TMEM132D: variants seen among roughly 807,000 people sequenced by gnomAD.
TMEM132D encodes the protein mature OL transmembrane protein.
Under a neutral mutation model 62.3 loss-of-function variants are expected in TMEM132D, and 21 were observed. The ratio of observed to expected loss-of-function variants is 0.34; its 90% CI spans 0.24 to 0.49. TMEM132D has a LOEUF of 0.49. Among genes scored for constraint, TMEM132D ranks in the 20% least tolerant of loss-of-function variants. The probability of loss-of-function intolerance (pLI) is 0.99; values close to 1 mark genes in which losing one functional copy is unlikely to be tolerated. For missense variants in TMEM132D, 1,346 were observed against 1,402.8 expected (o/e 0.96, Z 0.65); for synonymous variants, 621 against 575.6 (o/e 1.08, Z -1.13).
intron 3 of TMEM132D, among the ~76,000 whole-genome samples, chr12:129,485,161 G>A (rs1294927987): frequency 1.3e-5 from 2 of 152,220 alleles, no homozygotes; most frequent in African/African-American, 4.8e-5. Flanking sequence ...ACATTACTGA[G>A]CATGGGGGGT....
chr12:129,524,920 C>CT (rs761892015), intron 3 of TMEM132D, among the ~76,000 whole-genome samples: 18,156 of 90,402 alleles, frequency 0.2, 2,977 homozygotes, highest in Admixed American at 0.24. Flanking sequence ...ATATTTTTTT[C>CT]TTTTTTCTTT....
intron 3 of TMEM132D, among the ~76,000 whole-genome samples, chr12:129,459,506 G>A (rs981177511): frequency 2.6e-4 from 40 of 152,222 alleles, no homozygotes; most frequent in African/African-American, 8.4e-4. Flanking sequence ...AATAAGATGC[G>A]TTCCATTTCA....
In TMEM132D at chr12:129,344,280, G is replaced by A. The variant is rs151195801; in HGVS notation, c.1116-6463C>T. On this transcript the variant is annotated intron_variant, in intron 3 of 8. Transcript: ENST00000422113. ...TGGTGACCACAGATGGGACTACAGT[G>A]CAGAAAGCCTGGTCCAAGGACTACC... 2.7e-3 allele frequency among the ~76,000 whole-genome samples: 411 copies of A among 152,280 alleles called. 2 individuals carry two copies. The highest frequency in any genetic ancestry group is 9.6e-3 in the African/African-American group (398 of 41,558).
At chr12:129,542,280 C>T (rs1876602375) in intron 2 of TMEM132D, among the ~76,000 whole-genome samples, 2 of 152,190 alleles carry the variant, frequency 1.3e-5, no homozygotes, top group African/African-American at 4.8e-5. Flanking sequence ...CCACAACCCC[C>T]TAATTTCATT....
chr12:129,880,090 A>G (rs1373806471), intron 1 of TMEM132D, among the ~76,000 whole-genome samples: 1 of 152,164 alleles, frequency 6.6e-6, no homozygotes, highest in Admixed American at 6.5e-5. Context: ...CTTCTAAAAA[A>G]GAAAAAGAGA....
intron 1 of TMEM132D, among the ~76,000 whole-genome samples, chr12:129,708,628 A>AC (rs1391378328): frequency 4.6e-5 from 4 of 86,702 alleles, no homozygotes; most frequent in African/African-American, 1.9e-4. Context: ...AAAAAAAAAA[A>AC]AAACACACAC....
chr12:129,648,858 TA>T lies in TMEM132D; in HGVS notation c.968+50951del, dbSNP rs558907242. On this transcript the variant is annotated intron_variant, in intron 2 of 8. Transcript: ENST00000422113. The stretch of plus-strand genomic sequence containing the variant: ...TATAATAAATAGGGTTTTTCCTTTA[TA>T]AAAAAATATATATATAATTGGTAAA... Among the ~76,000 whole-genome samples, 416 of 152,170 alleles carry T rather than the reference TA, an allele frequency of 2.7e-3. 1 individual carries two copies. Among genetic ancestry groups the T allele is most frequent in the African/African-American group, 9.3e-3 (385 of 41,526 alleles).
At position 129,130,346 on chromosome 12, in the gene TMEM132D, C is replaced by T. The variant is rs556737760; in HGVS notation, c.1444-45644G>A. On this transcript the variant is annotated intron_variant, in intron 5 of 8. Coordinates refer to ENST00000422113, the MANE Select transcript of TMEM132D (RefSeq NM_133448.3). ...GAGGCTCTGAAGAGACCCCCCCGCC[C>T]GCCACAGGACTTGCGGAATCCTTGC... Among the ~76,000 whole-genome samples, 11 of 152,036 alleles carry T rather than the reference C, an allele frequency of 7.2e-5. No individual in the cohort carries two copies. The South Asian group carries it at 1.0e-3, about 14-fold the overall frequency.
Position 129,084,982 on chromosome 12 carries a change from G to A in TMEM132D, c.1444-280C>T, listed in dbSNP as rs142828513. On this transcript the variant is annotated intron_variant, in intron 5 of 8. Coordinates refer to ENST00000422113, the MANE Select transcript of TMEM132D (RefSeq NM_133448.3). ...CTCCCCAGGGGCTGCGTGTGTTGCCGACAGCTCCTGCCACATCTTCCGTAG... is the reference window on the plus strand; with the variant it reads ...CTCCCCAGGGGCTGCGTGTGTTGCCAACAGCTCCTGCCACATCTTCCGTAG... 1.6e-3 allele frequency: 834 copies of A among 524,710 alleles called. 5 individuals are homozygous for A. Among genetic ancestry groups the A allele is most frequent in the Non-Finnish European group, 2.4e-3 (732 of 300,594 alleles). 32.5% of individuals were successfully genotyped at this position (524,710 alleles called of 1,614,324 possible).
Position 129,312,554 on chromosome 12 carries a change from TTTTTTTGTTTGTTTGTTTTG to T in TMEM132D, c.1299+25060_1299+25079del, listed in dbSNP as rs541178335. On this transcript the variant is annotated intron_variant, in intron 4 of 8. Coordinates refer to ENST00000422113, the MANE Select transcript of TMEM132D (RefSeq NM_133448.3). The stretch of plus-strand genomic sequence containing the variant: ...TATATTAAGAATTTTTTAGAATAGT[TTTTTTTGTTTGTTTGTTTTG>T]TTTTTTGTTTTTTGAGACGGAGTCT... Among the ~76,000 whole-genome samples, 7 of 152,302 alleles carry T rather than the reference TTTTTTTGTTTGTTTGTTTTG, an allele frequency of 4.6e-5. No homozygotes were observed. The South Asian group carries it at 1.4e-3, about 32-fold the overall frequency.
chr12:129,560,759 G>C (rs1380871681), intron 2 of TMEM132D, among the ~76,000 whole-genome samples: 1 of 152,192 alleles, frequency 6.6e-6, no homozygotes, highest in African/African-American at 2.4e-5. Context: ...CCAAGGGTGG[G>C]TGACAACCTT....
intron 3 of TMEM132D, among the ~76,000 whole-genome samples, chr12:129,437,063 G>A (rs915686421): frequency 6.6e-6 from 1 of 152,116 alleles, no homozygotes; most frequent in Non-Finnish European, 1.5e-5. Context: ...TTAAGTTGGG[G>A]ACATGTCTTC....
intron 3 of TMEM132D, among the ~76,000 whole-genome samples, chr12:129,389,371 C>A (rs1020539638): frequency 6.6e-6 from 1 of 152,030 alleles, no homozygotes; most frequent in Non-Finnish European, 1.5e-5. Flanking sequence ...GAACTACTAA[C>A]AGTAATACTA....
At chr12:129,543,987 T>C (rs1356141590) in intron 2 of TMEM132D, among the ~76,000 whole-genome samples, 2 of 152,204 alleles carry the variant, frequency 1.3e-5, no homozygotes, top group Non-Finnish European at 2.9e-5. Flanking sequence ...CATATATGTG[T>C]AGGATAAATT....
chr12:129,248,664 A>C (rs1880185971), intron 4 of TMEM132D, among the ~76,000 whole-genome samples: 1 of 152,098 alleles, frequency 6.6e-6, no homozygotes, highest in South Asian at 2.1e-4. Context: ...CCCAGGTATT[A>C]AGCCTAGTAT....
At chr12:129,656,780 T>C (rs1300546065) in intron 2 of TMEM132D, among the ~76,000 whole-genome samples, 1 of 152,184 alleles carries the variant, frequency 6.6e-6, no homozygotes, top group Non-Finnish European at 1.5e-5. Context: ...CATTTAATAG[T>C]TAATCACTTA....
intron 5 of TMEM132D, among the ~76,000 whole-genome samples, chr12:129,087,677 C>T (rs974792930): frequency 7.2e-5 from 11 of 152,152 alleles, no homozygotes; most frequent in Non-Finnish European, 1.5e-4. Context: ...ACAGGCCTAC[C>T]GACACCTTGA....
chr12:129,888,341 T>A (rs1350471295), intron 1 of TMEM132D, among the ~76,000 whole-genome samples: 2 of 152,188 alleles, frequency 1.3e-5, no homozygotes, highest in Non-Finnish European at 2.9e-5. Flanking sequence ...GGCAACAACA[T>A]AAAGCCCTCT....
chr12:129,380,443 G>A (rs777969673), intron 3 of TMEM132D, among the ~76,000 whole-genome samples: 8 of 152,076 alleles, frequency 5.3e-5, no homozygotes, highest in Non-Finnish European at 1.2e-4. Flanking sequence ...TTTGCCCTTT[G>A]CCCAGCTTCT....
Sources: gnomAD v4.1 joint callset for allele counts (sites outside exome capture counted in the v4.1 genomes callset) on GRCh38, gnomAD v4.1.1 for gene constraint, MANE v1.5 for transcripts, NCBI Gene and HGNC (gene_info 2026-07-23, HGNC 2026-07-21) for gene names.